The following MTHFSD variants were observed in gnomAD, a reference collection of about 807,000 sequenced individuals.
The protein encoded by MTHFSD is methenyltetrahydrofolate synthase domain-containing protein.
MTHFSD carries 37 observed loss-of-function variants against 31.1 expected under a neutral mutation model. That is an observed-to-expected ratio of 1.19 (90% CI 0.91 to 1.56). MTHFSD has a LOEUF of 1.56. Among genes scored for constraint, MTHFSD ranks in the 40% most tolerant of loss-of-function variants. The probability of loss-of-function intolerance (pLI) is 0.00; values close to 1 mark genes in which losing one functional copy is unlikely to be tolerated. For synonymous variants in MTHFSD, 221 were observed against 206.9 expected, an observed-to-expected ratio of 1.07 and a Z score of -0.59; for missense variants, 664 against 510.1, an observed-to-expected ratio of 1.30 and a Z score of -2.91.
intron 6 of MTHFSD, 52 bp from the exon 7 acceptor site, chr16:86,541,874 G>T: frequency 6.2e-7 from 1 of 1,606,644 alleles, no homozygotes; most frequent in Non-Finnish European, 8.5e-7. Context: ...CACTGCAGTC[G>T]TGCACACTGC....
At chr16:86,553,081 T>C (rs1011735968) in intron 2 of MTHFSD, among the ~76,000 whole-genome samples, 66 of 152,214 alleles carry the variant, frequency 4.3e-4, no homozygotes, top group African/African-American at 1.5e-3. Flanking sequence ...ATCCTTAGGC[T>C]GGCAAGGCAT....
chr16:86,551,852 C>T, intron 3 of MTHFSD, 181 bp downstream of exon 3: 1 of 1,131,222 alleles, frequency 8.8e-7, no homozygotes, highest in Non-Finnish European at 1.2e-6. Context: ...AATTGCTAAA[C>T]AGCTGAAGGG....
At chr16:86,539,561 C>G (rs1238674617) in intron 7 of MTHFSD, among the ~76,000 whole-genome samples, 1 of 152,168 alleles carries the variant, frequency 6.6e-6, no homozygotes, top group Non-Finnish European at 1.5e-5. Flanking sequence ...AAGTGGGAAA[C>G]TCTTGACTGC....
intron 2 of MTHFSD, 32 bp downstream of exon 2, chr16:86,554,613 T>C (rs2143962387): frequency 6.6e-7 from 1 of 1,505,002 alleles, no homozygotes; most frequent in Non-Finnish European, 9.2e-7. Flanking sequence ...TATTTTGTTT[T>C]CCTTTTCTGG....
At chr16:86,535,317 C>T (rs879415051) in intron 7 of MTHFSD, 321 of 106,798 alleles carry the variant, frequency 3.0e-3, no homozygotes, top group Non-Finnish European at 3.5e-3. Flanking sequence ...GCTCCCTCCT[C>T]CTCAAGCTCT....
Position 86,536,867 on chromosome 16 carries a change from C to T in MTHFSD, c.682-4386G>A, listed in dbSNP as rs142138287. On this transcript the variant is annotated intron_variant, in intron 7 of 7. Coordinates refer to ENST00000360900, the MANE Select transcript of MTHFSD (RefSeq NM_001159377.2). ...CTTCCGCACTTGGGGTTTCAGCCCTCGGAGAAGAGCAGCCGCGTGGTTCCC... is the reference window on the plus strand; with the variant it reads ...CTTCCGCACTTGGGGTTTCAGCCCTTGGAGAAGAGCAGCCGCGTGGTTCCC... 1.4e-3 allele frequency among the ~76,000 whole-genome samples: 215 copies of T among 152,322 alleles called. 2 individuals carry two copies. Among genetic ancestry groups the T allele is most frequent in the African/African-American group, 4.9e-3 (202 of 41,586 alleles).
rs1970032248 is a variant in MTHFSD, at chr16:86,531,979, G to C, written c.*32C>G. 1 of 1,382,668 alleles carries C rather than the reference G, an allele frequency of 7.2e-7. No homozygotes were observed. The highest frequency in any genetic ancestry group is 9.4e-7 in the Non-Finnish European group (1 of 1,060,644). The allele number at this position is 1,382,668 out of a possible 1,614,324, so 85.6% of individuals were successfully genotyped here. Reference sequence around the variant, plus strand: ...GAGCGGCAGGGGACGGGGATGGCGAGTCTGCAGTGAGCTCCGTGGCTGTCC... The same window carrying C: ...GAGCGGCAGGGGACGGGGATGGCGACTCTGCAGTGAGCTCCGTGGCTGTCC... On this transcript the variant is annotated 3_prime_UTR_variant, in exon 8 of 8. Transcript: ENST00000360900. This position sits in a 1 kb window ranked among gnomAD's most constrained non-coding sequence, Gnocchi z 5.5.
At chr16:86,538,780 G>C (rs1369500979) in intron 7 of MTHFSD, among the ~76,000 whole-genome samples, 1 of 152,226 alleles carries the variant, frequency 6.6e-6, no homozygotes, top group African/African-American at 2.4e-5. Context: ...CAGCCTGGCA[G>C]AGATCCTTGG....
intron 7 of MTHFSD, among the ~76,000 whole-genome samples, chr16:86,535,909 G>A (rs1480384798): frequency 6.6e-6 from 1 of 152,104 alleles, no homozygotes; most frequent in Non-Finnish European, 1.5e-5. Flanking sequence ...GAGTACAGTG[G>A]CACAACTCAT....
At chr16:86,540,864 G>T in intron 7 of MTHFSD, 1 of 1,086,940 alleles carries the variant, frequency 9.2e-7, no homozygotes, top group Non-Finnish European at 1.1e-6. Context: ...TGCACACCTG[G>T]GAGTCCCCAG....
chr16:86,539,155 T>TG (rs1971127685), intron 7 of MTHFSD, among the ~76,000 whole-genome samples: 2 of 152,256 alleles, frequency 1.3e-5, no homozygotes, highest in East Asian at 1.9e-4. Context: ...CGGCTACTTG[T>TG]GGGGGGTCTC....
At chr16:86,553,937 C>G (rs1011208275) in intron 2 of MTHFSD, among the ~76,000 whole-genome samples, 3 of 152,178 alleles carry the variant, frequency 2.0e-5, no homozygotes, top group African/African-American at 7.2e-5. Context: ...CTGTATGTAG[C>G]TAATCTAGTG....
Position 86,552,080 on chromosome 16 carries a change from C to G in MTHFSD, c.190G>C (p.Val64Leu). ...CCTTCCAGTGGTTTATCAGGGTCCA[C>G]TTTAACTTCCTGTGTTCTGGCAAAA... The part of the protein sequence containing the change: ...DVFARTQEVK[V>L]DPDKPLEGVR... Residue 64 changes from valine (V) to leucine (L), a missense_variant, in exon 3 of 8, where the codon GTG (valine) becomes CTG (leucine). Coordinates refer to ENST00000360900, the MANE Select transcript of MTHFSD (RefSeq NM_001159377.2). 2.5e-6 allele frequency: 4 copies of G among 1,614,204 alleles called. No homozygotes were observed. Among genetic ancestry groups the G allele is most frequent in the Non-Finnish European group, 3.4e-6 (4 of 1,180,052 alleles).
chr16:86,546,744 T>G, intron 4 of MTHFSD, 95 bp from the exon 5 acceptor site: 1 of 1,093,852 alleles, frequency 9.1e-7, no homozygotes. Context: ...TGAATCAACC[T>G]CTTGGACAAA....
intron 4 of MTHFSD, chr16:86,547,611 C>A: frequency 1.1e-6 from 1 of 950,336 alleles, no homozygotes; most frequent in Non-Finnish European, 1.3e-6. Context: ...TGCTGACCAT[C>A]ACCATGCTTT....
At chr16:86,538,862 G>A (rs1306211488) in intron 7 of MTHFSD, among the ~76,000 whole-genome samples, 1 of 152,196 alleles carries the variant, frequency 6.6e-6, no homozygotes, top group Non-Finnish European at 1.5e-5. Flanking sequence ...CAGCGGCTAT[G>A]CATCTTGTGG....
At chr16:86,550,719 A>G (rs1288164835) in intron 3 of MTHFSD, among the ~76,000 whole-genome samples, 2 of 152,214 alleles carry the variant, frequency 1.3e-5, no homozygotes, top group Non-Finnish European at 2.9e-5. Flanking sequence ...TACTGCTGCT[A>G]TTACTACTTC....
chr16:86,544,672 G>C (rs2143682545), intron 5 of MTHFSD, among the ~76,000 whole-genome samples: 1 of 152,290 alleles, frequency 6.6e-6, no homozygotes, highest in East Asian at 1.9e-4. Context: ...CCTAGAACCA[G>C]AAATACCATT....
At position 86,532,196 on chromosome 16, in the gene MTHFSD, T is replaced by A; in HGVS notation, c.967A>T (p.Lys323Ter). 6.3e-7 allele frequency: 1 copy of A among 1,585,396 alleles called. No individual in the cohort carries two copies. Among genetic ancestry groups the A allele is most frequent in the Non-Finnish European group, 8.6e-7 (1 of 1,166,506 alleles). Residue 323 changes from lysine (K) to a stop codon, truncating the protein, a stop_gained, in exon 8 of 8, where the codon AAG becomes TAG. Transcript: ENST00000360900. LOFTEE classifies it low-confidence loss of function (END_TRUNC). The part of the protein sequence containing the change: ...LPGDARVSDL[K>*]RALRELGSVP... Reference sequence around the variant, plus strand: ...GAGCCGAGTTCCCGCAGGGCTCTCTTCAGGTCACTCACACGGGCGTCCCCG... The same window carrying A: ...GAGCCGAGTTCCCGCAGGGCTCTCTACAGGTCACTCACACGGGCGTCCCCG...
Sources: gnomAD v4.1 joint callset for allele counts (sites outside exome capture counted in the v4.1 genomes callset) on GRCh38, gnomAD v4.1.1 for gene constraint, Gnocchi (gnomAD v3.1) non-coding constraint, MANE v1.5 for transcripts, NCBI Gene and HGNC (gene_info 2026-07-23, HGNC 2026-07-21) for gene names.